Variants in VPS8 observed in about 807,000 individuals in gnomAD.
The protein encoded by VPS8 is vacuolar protein sorting-associated protein 8 homolog.
Under a neutral mutation model 216.4 loss-of-function variants are expected in VPS8, and 129 were observed. The observed-to-expected ratio is 0.60, with a 90% CI of 0.52 to 0.69. The LOEUF is 0.69. Ranked by LOEUF, VPS8 falls within the 30% of genes least tolerant of loss-of-function variation. The pLI is 0.00. For synonymous variants in VPS8, 571 were observed against 565.4 expected, an observed-to-expected ratio of 1.01 and a Z score of -0.14; for missense variants, 1,531 against 1,683.5, an observed-to-expected ratio of 0.91 and a Z score of 1.59.
intron 24 of VPS8, among the ~76,000 whole-genome samples, chr3:184,899,288 G>A (rs557277433): frequency 1.3e-5 from 2 of 152,280 alleles, no homozygotes; most frequent in East Asian, 3.9e-4. Context: ...CACATGTAGT[G>A]CCCTCCTAGC....
At chr3:184,833,899 T>C (rs1164421288) in intron 4 of VPS8, among the ~76,000 whole-genome samples, 2 of 152,212 alleles carry the variant, frequency 1.3e-5, no homozygotes. Flanking sequence ...ATCTCTAATA[T>C]AACATTTATC....
chr3:184,875,981 C>G (rs570152730), intron 21 of VPS8, among the ~76,000 whole-genome samples: 1 of 151,592 alleles, frequency 6.6e-6, no homozygotes, highest in South Asian at 2.1e-4. Context: ...CAGAGCAAGA[C>G]CCTGTCTCAA....
intron 3 of VPS8, among the ~76,000 whole-genome samples, chr3:184,828,014 C>A (rs371491961): frequency 6.6e-6 from 1 of 151,838 alleles, no homozygotes. Context: ...TGAAAAGGGC[C>A]GAAGTAGAAA....
rs114503555 is a variant in VPS8, at chr3:185,043,044, C to T, written c.4057-5435C>T. 4.4e-3 allele frequency among the ~76,000 whole-genome samples: 667 copies of T among 152,274 alleles called. 5 individuals carry two copies. Among genetic ancestry groups the T allele is most frequent in the African/African-American group, 0.015 (622 of 41,554 alleles). ...TCACCTAGTGCTAACCTTATGATGG[C>T]ACCACACAGGATCCCGGTAGGCACT... On this transcript the variant is annotated intron_variant, in intron 46 of 47. Coordinates refer to ENST00000625842, the MANE Select transcript of VPS8 (RefSeq NM_001009921.3).
At chr3:185,027,297 C>A (rs1757517770) in intron 46 of VPS8, among the ~76,000 whole-genome samples, 1 of 137,162 alleles carries the variant, frequency 7.3e-6, no homozygotes, top group Non-Finnish European at 1.5e-5. Flanking sequence ...GGCTAGAGTG[C>A]AGCGGCACGA....
chr3:185,027,151 G>A (rs933950906), intron 46 of VPS8, among the ~76,000 whole-genome samples: 3 of 151,912 alleles, frequency 2.0e-5, no homozygotes, highest in African/African-American at 7.3e-5. Context: ...CACATACCAT[G>A]GAAGGTGCAC....
At chr3:184,939,704 C>T (rs942571474) in intron 35 of VPS8, among the ~76,000 whole-genome samples, 1 of 152,146 alleles carries the variant, frequency 6.6e-6, no homozygotes, top group African/African-American at 2.4e-5. Context: ...ATTGGCATCT[C>T]TTCTGTAGTT....
At chr3:184,853,750 G>T (rs1467471929) in intron 11 of VPS8, 107 bp from the exon 12 acceptor site, 11 of 1,124,844 alleles carry the variant, frequency 9.8e-6, no homozygotes, top group Non-Finnish European at 1.4e-5. Context: ...GGATTGTTGG[G>T]GGTTAAGGAG....
At chr3:184,907,201 G>A (rs760519115) in intron 25 of VPS8, among the ~76,000 whole-genome samples, 1 of 152,224 alleles carries the variant, frequency 6.6e-6, no homozygotes. Context: ...AAGTAGGTAA[G>A]AGACAAAAGG....
chr3:184,869,664 C>G, intron 20 of VPS8, 136 bp downstream of exon 20: 3 of 788,992 alleles, frequency 3.8e-6, no homozygotes, highest in Non-Finnish European at 6.0e-6. Context: ...CACACACAGA[C>G]ACACACTTGG....
intron 8 of VPS8, 85 bp from the exon 9 acceptor site, chr3:184,848,986 C>T (rs1723723320): frequency 2.0e-6 from 3 of 1,468,272 alleles, no homozygotes; most frequent in African/African-American, 2.8e-5. Context: ...CTTGTCACCT[C>T]CCAAGTCTTT....
At position 184,860,303 on chromosome 3, in the gene VPS8, T is replaced by C. The variant is rs6786430; in HGVS notation, c.1224+238T>C. On this transcript the variant is annotated intron_variant, in intron 15 of 47. Transcript: ENST00000625842. ...GCTCAGTGATCGCTCCTGTGACTAG[T>C]CACTGCACTCCAGCCTGGGCAACAT... Among the ~76,000 whole-genome samples the C allele has an allele frequency of 4.4e-3, 670 of 151,104 alleles. 5 individuals carry two copies. Among genetic ancestry groups the C allele is most frequent in the African/African-American group, 0.016 (642 of 41,066 alleles).
chr3:184,952,532 AAG>A (rs1205273773), intron 36 of VPS8, among the ~76,000 whole-genome samples: 3 of 36,432 alleles, frequency 8.2e-5, no homozygotes, highest in Non-Finnish European at 1.2e-4. Context: ...AGCTGAAAAT[AAG>A]CAGTTCAAGG....
At chr3:184,831,455 C>T (rs549830058) in intron 3 of VPS8, among the ~76,000 whole-genome samples, 1 of 152,304 alleles carries the variant, frequency 6.6e-6, no homozygotes, top group East Asian at 1.9e-4. Context: ...ATTAATCTCT[C>T]AAGTACATTG....
Position 184,898,660 on chromosome 3 carries a change from A to T in VPS8, c.2094+6A>T. 1 of 1,535,814 alleles carries T rather than the reference A, an allele frequency of 6.5e-7. No homozygotes were observed. Among genetic ancestry groups the T allele is most frequent in the Non-Finnish European group, 8.8e-7 (1 of 1,139,212 alleles). ...AATTTATTAGTCCAATGGAGGTAAGATACTTCCTAACTTGGATACGTAATT... is the reference window on the plus strand; with the variant it reads ...AATTTATTAGTCCAATGGAGGTAAGTTACTTCCTAACTTGGATACGTAATT... On this transcript the variant is annotated splice_donor_region_variant and intron_variant, in intron 24 of 47. Coordinates refer to ENST00000625842, the MANE Select transcript of VPS8 (RefSeq NM_001009921.3).
intron 37 of VPS8, among the ~76,000 whole-genome samples, chr3:184,960,936 C>T (rs886872541): frequency 6.6e-6 from 1 of 152,196 alleles, no homozygotes; most frequent in Non-Finnish European, 1.5e-5. Flanking sequence ...AGTGCATGCT[C>T]TTAATTGCTG....
At chr3:185,040,058 AACC>A (rs1338993098) in intron 46 of VPS8, among the ~76,000 whole-genome samples, 1 of 152,144 alleles carries the variant, frequency 6.6e-6, no homozygotes, top group East Asian at 1.9e-4. Flanking sequence ...TCTTTTAAAC[AACC>A]ACCTCTCATG....
chr3:185,023,930 T>C (rs1757001824), intron 45 of VPS8, among the ~76,000 whole-genome samples: 1 of 152,230 alleles, frequency 6.6e-6, no homozygotes, highest in Non-Finnish European at 1.5e-5. Context: ...TCCTTCACAA[T>C]TATCAAACTC....
chr3:185,051,974 G>A lies in VPS8; in HGVS notation c.4236G>A (p.Gln1412=), dbSNP rs768792599. The change falls in exon 48 of 48, where the codon CAG becomes CAA. Residue 1412 remains glutamine, a synonymous_variant. Transcript: ENST00000625842. ...CTCCTGCTTTCAACAGCATCTTCCA[G>A]AATGAGAACTTCCAGCTGCAGCTCA... ...QSAPAFNSIF[Q]NENFQLQLIP... The A allele has an allele frequency of 4.2e-5, 67 of 1,612,630 alleles. No individual in the cohort carries two copies. The highest frequency in any genetic ancestry group is 5.5e-5 in the Non-Finnish European group (65 of 1,178,986).
Sources: allele counts gnomAD v4.1 joint callset (sites outside exome capture counted in the v4.1 genomes callset), GRCh38; gene constraint gnomAD v4.1.1; transcripts MANE v1.5; gene names NCBI Gene and HGNC (gene_info 2026-07-23, HGNC 2026-07-21).